Variants in NCAM1 observed in about 807,000 individuals in gnomAD.
NCAM1 encodes the protein antigen recognized by monoclonal antibody 5.1H11.
Under a neutral mutation model 109.8 loss-of-function variants are expected in NCAM1, and 14 were observed. That is an observed-to-expected ratio of 0.13 (90% CI 0.08 to 0.20). The LOEUF (loss-of-function observed/expected upper bound fraction) is 0.20, where lower values mean the gene tolerates loss of function less well. Among genes scored for constraint, NCAM1 ranks in the 10% least tolerant of loss-of-function variants. The pLI is 1.00. For missense variants in NCAM1, 774 were observed against 1,109.9 expected (o/e 0.70, Z 4.30); for synonymous variants, 418 against 442.9 (o/e 0.94, Z 0.70).
intron 1 of NCAM1, among the ~76,000 whole-genome samples, chr11:113,097,852 G>C (rs1939679506): frequency 6.6e-6 from 1 of 152,062 alleles, no homozygotes; most frequent in Non-Finnish European, 1.5e-5. Flanking sequence ...TTTGTGTTAA[G>C]TGTATGAGAA....
chr11:113,084,921 A>C (rs1939009759), intron 1 of NCAM1, among the ~76,000 whole-genome samples: 1 of 152,226 alleles, frequency 6.6e-6, no homozygotes, highest in South Asian at 2.1e-4. Context: ...CATAGTAAGC[A>C]CTCAATAAAC....
intron 16 of NCAM1, among the ~76,000 whole-genome samples, chr11:113,259,340 C>T (rs1479672483): frequency 3.9e-5 from 6 of 152,106 alleles, no homozygotes; most frequent in Non-Finnish European, 7.3e-5. Flanking sequence ...CGTGAGCCAC[C>T]GCGCCCGGCC....
At chr11:112,975,316 A>G (rs917376036) in intron 1 of NCAM1, among the ~76,000 whole-genome samples, 1 of 152,058 alleles carries the variant, frequency 6.6e-6, no homozygotes, top group Non-Finnish European at 1.5e-5. Flanking sequence ...TTAAATGTCC[A>G]CTAGAAACAT....
At chr11:113,196,913 G>A (rs1157100891) in intron 1 of NCAM1, among the ~76,000 whole-genome samples, 1 of 152,198 alleles carries the variant, frequency 6.6e-6, no homozygotes, top group Non-Finnish European at 1.5e-5. Context: ...CTGAGACTGG[G>A]TAATTTATAA....
chr11:113,256,919 CTT>C (rs782390450), intron 16 of NCAM1, among the ~76,000 whole-genome samples: 30 of 152,306 alleles, frequency 2.0e-4, no homozygotes, highest in Non-Finnish European at 3.4e-4. Flanking sequence ...CCAAGGAAGA[CTT>C]TTTCTGGGAA....
intron 1 of NCAM1, among the ~76,000 whole-genome samples, chr11:113,171,234 A>G (rs575610745): frequency 6.6e-6 from 1 of 152,352 alleles, no homozygotes; most frequent in East Asian, 1.9e-4. Context: ...GCTCTTAAGT[A>G]AGTGGCAGAG....
At chr11:113,170,702 A>G (rs1216245613) in intron 1 of NCAM1, among the ~76,000 whole-genome samples, 2 of 151,986 alleles carry the variant, frequency 1.3e-5, no homozygotes, top group Non-Finnish European at 2.9e-5. Flanking sequence ...TCCCTGGCCT[A>G]GTTGGTTATT....
chr11:113,185,084 A>ATATATATAT (rs1565485449), intron 1 of NCAM1, among the ~76,000 whole-genome samples: 40 of 130,390 alleles, frequency 3.1e-4, no homozygotes, highest in African/African-American at 1.0e-3. Flanking sequence ...ATATATAGAG[A>ATATATATAT]GAGAGAGAGA....
chr11:113,167,886 G>A (rs1289870009), intron 1 of NCAM1, among the ~76,000 whole-genome samples: 1 of 152,116 alleles, frequency 6.6e-6, no homozygotes, highest in Admixed American at 6.5e-5. Context: ...GTGTATTACT[G>A]TTGTTGTTGT....
chr11:113,137,438 T>G (rs10891510), intron 1 of NCAM1, among the ~76,000 whole-genome samples: 65,525 of 152,108 alleles, frequency 0.43, 15,125 homozygotes, highest in Middle Eastern at 0.6. Context: ...GAAATCACAT[T>G]ATGTACAAAC....
rs1258253291 is a variant in NCAM1 at position 113,204,630 on chromosome 11, C to A, written c.346+126C>A. 8.4e-6 allele frequency: 8 copies of A among 949,370 alleles called. No individual in the cohort carries two copies. The East Asian group carries it at 1.8e-4, about 22-fold the overall frequency. The allele number at this position is 949,370 out of a possible 1,614,324, so 58.8% of individuals were successfully genotyped here. A position where few individuals can be genotyped will look rare whatever the true frequency, so the allele number is the denominator to read the frequency against. On this transcript the variant is annotated intron_variant, in intron 3 of 19. Transcript: ENST00000316851. ...GGCCTAACCAGTCCCATTCTCTCTCCCTAAGTCTTTTCTGACCTTGGCCAA... is the reference window on the plus strand; with the variant it reads ...GGCCTAACCAGTCCCATTCTCTCTCACTAAGTCTTTTCTGACCTTGGCCAA...
rs893627568 is a variant in NCAM1, at chr11:113,252,813, T to C, written c.1829-3064T>C. On this transcript the variant is annotated intron_variant, in intron 15 of 19. Coordinates refer to ENST00000316851, the MANE Select transcript of NCAM1 (RefSeq NM_181351.5). ...ACTATGCCCAGCTTTTTTTTTTTTTTTTTTTTTTTTTTTTTTTGGTAGAGA... is the reference window on the plus strand; with the variant it reads ...ACTATGCCCAGCTTTTTTTTTTTTTCTTTTTTTTTTTTTTTTTGGTAGAGA... 9.5e-3 allele frequency among the ~76,000 whole-genome samples: 1,283 copies of C among 134,356 alleles called. 23 individuals are homozygous for C. Among genetic ancestry groups the C allele is most frequent in the African/African-American group, 0.036 (1,236 of 34,304 alleles). 88.1% of individuals were successfully genotyped at this position (134,356 alleles called of 152,430 possible).
chr11:113,093,008 C>T (rs1460751315), intron 1 of NCAM1, among the ~76,000 whole-genome samples: 1 of 152,130 alleles, frequency 6.6e-6, no homozygotes. Context: ...ATAGAATTTT[C>T]TTCATTGAGT....
intron 17 of NCAM1, chr11:113,263,577 C>T (rs895780028): frequency 4.8e-5 from 47 of 985,504 alleles, no homozygotes; most frequent in Middle Eastern, 5.2e-4. Context: ...TTTCAGTCCT[C>T]GTATTACGGC....
intron 1 of NCAM1, among the ~76,000 whole-genome samples, chr11:113,015,980 C>T (rs1441261478): frequency 1.3e-5 from 2 of 152,000 alleles, no homozygotes; most frequent in African/African-American, 4.8e-5. Flanking sequence ...GTCGAGTGGG[C>T]TTTGTAGGAG....
chr11:113,119,024 T>C (rs1199641117), intron 1 of NCAM1, among the ~76,000 whole-genome samples: 1 of 151,974 alleles, frequency 6.6e-6, no homozygotes, highest in Admixed American at 6.5e-5. Flanking sequence ...GATTTCTCTT[T>C]ATGGCTAGTT....
intron 1 of NCAM1, among the ~76,000 whole-genome samples, chr11:112,992,585 T>C (rs1951492025): frequency 6.6e-6 from 1 of 150,966 alleles, no homozygotes. Context: ...CATTGCAAGC[T>C]CTGCCTCTGG....
Position 113,273,769 on chromosome 11 carries a change from C to A in NCAM1, c.2457-1498C>A. 1 of 421,962 alleles carries A rather than the reference C, an allele frequency of 2.4e-6. No homozygotes were observed. 26.1% of individuals were successfully genotyped at this position (421,962 alleles called of 1,614,324 possible). Reference sequence around the variant, plus strand: ...ACCGAGTACGGCCTCTCTTTGTCTGCTGTCATCGGGTTGTGTCCTGTGGTG... The same window carrying A: ...ACCGAGTACGGCCTCTCTTTGTCTGATGTCATCGGGTTGTGTCCTGTGGTG... On this transcript the variant is annotated intron_variant, in intron 19 of 19. Transcript: ENST00000316851. The surrounding 1 kb of genome is among the most constrained non-coding windows in gnomAD (Gnocchi z 6.0).
intron 16 of NCAM1, among the ~76,000 whole-genome samples, chr11:113,257,263 T>A (rs1199481382): frequency 2.6e-5 from 4 of 152,190 alleles, no homozygotes; most frequent in African/African-American, 7.2e-5. Flanking sequence ...TTCCAATGGT[T>A]ATCCTGATGT....
Sources: gnomAD v4.1 joint callset for allele counts (sites outside exome capture counted in the v4.1 genomes callset) on GRCh38, gnomAD v4.1.1 for gene constraint, Gnocchi (gnomAD v3.1) non-coding constraint, MANE v1.5 for transcripts, NCBI Gene and HGNC (gene_info 2026-07-23, HGNC 2026-07-21) for gene names.